NEK10: variants seen among roughly 807,000 people sequenced by gnomAD.
NEK10 encodes NIMA related kinase 10.
A neutral mutation model predicts 159.8 loss-of-function variants in NEK10; 122 were observed. The observed-to-expected ratio is 0.76, with a 90% CI of 0.66 to 0.89. NEK10 has a LOEUF of 0.89. Among genes scored for constraint, NEK10 ranks in the 40% least tolerant of loss-of-function variants. The pLI, the probability that NEK10 is intolerant of heterozygous loss-of-function variation, is 0.00. For synonymous variants in NEK10, 466 were observed against 457.1 expected, an observed-to-expected ratio of 1.02 and a Z score of -0.25; for missense variants, 1,342 against 1,323.1, an observed-to-expected ratio of 1.01 and a Z score of -0.22.
At chr3:27,161,916 A>T (rs546204175) in intron 30 of NEK10, among the ~76,000 whole-genome samples, 1 of 152,212 alleles carries the variant, frequency 6.6e-6, no homozygotes, top group East Asian at 1.9e-4. Context: ...GAGGCAGGAG[A>T]ATCACTTGAA....
intron 23 of NEK10, among the ~76,000 whole-genome samples, chr3:27,232,395 T>G (rs1156960511): frequency 6.6e-6 from 1 of 151,908 alleles, no homozygotes; most frequent in East Asian, 1.9e-4. Flanking sequence ...TACCAAACAC[T>G]GCTGAAAGAA....
chr3:27,274,133 C>T (rs1465445602), intron 22 of NEK10, among the ~76,000 whole-genome samples: 1 of 152,122 alleles, frequency 6.6e-6, no homozygotes, highest in Non-Finnish European at 1.5e-5. Context: ...GTGCCAGGGA[C>T]CCCTGTACCA....
chr3:27,360,486 G>A (rs752747820), intron 1 of NEK10, among the ~76,000 whole-genome samples: 2 of 152,214 alleles, frequency 1.3e-5, no homozygotes, highest in Non-Finnish European at 1.5e-5. Context: ...TTAAGACCCA[G>A]AGAGGAAAAA....
chr3:27,151,641 G>A (rs1243918386), intron 30 of NEK10, among the ~76,000 whole-genome samples: 1 of 152,140 alleles, frequency 6.6e-6, no homozygotes, highest in African/African-American at 2.4e-5. Flanking sequence ...CAGCAATGGA[G>A]CCAAACCAAG....
At chr3:27,311,057 T>TCCAGGAGC (rs1458685969) in intron 8 of NEK10, 41 bp from the exon 9 acceptor site, 7 of 1,280,364 alleles carry the variant, frequency 5.5e-6, no homozygotes, top group Non-Finnish European at 5.7e-6. Flanking sequence ...ATCCAGAGAT[T>TCCAGGAGC]AAAGGGGGAG....
intron 23 of NEK10, among the ~76,000 whole-genome samples, chr3:27,246,805 C>A (rs77281151): frequency 6.6e-6 from 1 of 152,142 alleles, no homozygotes; most frequent in African/African-American, 2.4e-5. Flanking sequence ...AATTTTTAGT[C>A]CCATATTTCA....
In NEK10 at chr3:27,202,144, C is replaced by G. The variant is rs1178371889; in HGVS notation, c.2220+284G>C. 6.7e-5 allele frequency among the ~76,000 whole-genome samples: 10 copies of G among 150,050 alleles called. No individual in the cohort carries two copies. In the Admixed American group the frequency reaches 6.8e-4, roughly 10 times the overall value. Reference sequence around the variant, plus strand: ...CCAGCCTGGCTGACAGAGTGAGACTCTGTCTCAAAAATAAATAAATTAAAT... The same window carrying G: ...CCAGCCTGGCTGACAGAGTGAGACTGTGTCTCAAAAATAAATAAATTAAAT... On this transcript the variant is annotated intron_variant, in intron 24 of 35. Coordinates refer to ENST00000691995, the MANE Select transcript of NEK10 (RefSeq NM_001394966.1).
intron 26 of NEK10, among the ~76,000 whole-genome samples, chr3:27,186,951 C>G (rs1948678553): frequency 6.6e-6 from 1 of 152,026 alleles, no homozygotes; most frequent in Non-Finnish European, 1.5e-5. Flanking sequence ...GTTCACTTGG[C>G]CATCACTGCA....
At chr3:27,218,497 C>T (rs899343497) in intron 23 of NEK10, among the ~76,000 whole-genome samples, 7 of 150,750 alleles carry the variant, frequency 4.6e-5, no homozygotes, top group Non-Finnish European at 5.9e-5. Context: ...CCCAGCTGCT[C>T]AGGAGGCTGA....
Position 27,284,647 on chromosome 3 carries a change from T to A in NEK10, c.1969A>T (p.Thr657Ser), listed in dbSNP as rs1344668180. The A allele has an allele frequency of 6.2e-7, 1 of 1,608,884 alleles. No homozygotes were observed. Among genetic ancestry groups the A allele is most frequent in the East Asian group, 2.2e-5 (1 of 44,844 alleles). The stretch of plus-strand genomic sequence containing the variant: ...TCCCCCAACATAATGTTGTTTGGTG[T>A]CAGATCTCTATGGACAATCCTCTTC... ...KEKRIVHRDL[T>S]PNNIMLGDKD... The change falls in exon 22 of 36, where the codon ACA (threonine) becomes TCA (serine). Residue 657 changes from threonine (T) to serine (S), a missense_variant. Transcript: ENST00000691995.
intron 22 of NEK10, among the ~76,000 whole-genome samples, chr3:27,261,252 T>G (rs2040388078): frequency 6.6e-6 from 1 of 152,242 alleles, no homozygotes; most frequent in African/African-American, 2.4e-5. Context: ...AGTTATTTCT[T>G]GCCTTCTGCT....
At chr3:27,358,743 G>T (rs1024151874) in intron 1 of NEK10, among the ~76,000 whole-genome samples, 4 of 152,130 alleles carry the variant, frequency 2.6e-5, no homozygotes, top group African/African-American at 9.7e-5. Flanking sequence ...AAGATCCTCA[G>T]GTGGCCTCAT....
intron 29 of NEK10, among the ~76,000 whole-genome samples, chr3:27,162,976 T>A (rs1237641178): frequency 6.6e-6 from 1 of 152,148 alleles, no homozygotes; most frequent in Non-Finnish European, 1.5e-5. Context: ...TAAGTATGAC[T>A]AAGAGCCTAA....
intron 22 of NEK10, among the ~76,000 whole-genome samples, chr3:27,282,594 T>TTATATATATATACATAACTGTGTTA (rs2042271321): frequency 2.0e-5 from 2 of 98,810 alleles, no homozygotes; most frequent in African/African-American, 3.6e-5. Flanking sequence ...CATAACTGTG[T>TTATATATATATACATAACTGTGTTA]TATATATATA....
In NEK10 at chr3:27,111,212, G is replaced by T; in HGVS notation, c.*60C>A. The T allele has an allele frequency of 6.7e-7, 1 of 1,497,626 alleles. No homozygotes were observed. Among genetic ancestry groups the T allele is most frequent in the Non-Finnish European group, 9.3e-7 (1 of 1,079,054 alleles). The allele number at this position is 1,497,626 out of a possible 1,614,324, so 92.8% of individuals were successfully genotyped here. A position where few individuals can be genotyped will look rare whatever the true frequency, so the allele number is the denominator to read the frequency against. ...AATCCTTGGGCATCTTGCAATAGCG[G>T]CTGAAGTCCAGAACTTGAACTTCAC... On this transcript the variant is annotated 3_prime_UTR_variant, in exon 36 of 36. Transcript: ENST00000691995.
intron 1 of NEK10, among the ~76,000 whole-genome samples, chr3:27,364,350 G>T (rs1312914533): frequency 4.9e-3 from 2 of 406 alleles, no homozygotes; most frequent in African/African-American, 0.027. Context: ...CTGGCTAATT[G>T]TGTGTGTGTG....
intron 1 of NEK10, among the ~76,000 whole-genome samples, chr3:27,367,284 T>C (rs945611932): frequency 1.3e-5 from 2 of 152,230 alleles, no homozygotes; most frequent in Non-Finnish European, 2.9e-5. Context: ...TGTTACACAA[T>C]TAAAATGCTA....
chr3:27,193,474 C>A (rs1420065991), intron 25 of NEK10, among the ~76,000 whole-genome samples: 1 of 151,958 alleles, frequency 6.6e-6, no homozygotes, highest in Non-Finnish European at 1.5e-5. Context: ...CTTGAACTGG[C>A]CCTTAACTTC....
chr3:27,185,448 T>C (rs1305458133), intron 26 of NEK10, among the ~76,000 whole-genome samples: 1 of 152,154 alleles, frequency 6.6e-6, no homozygotes, highest in Non-Finnish European at 1.5e-5. Context: ...TGGATGGAAC[T>C]GATTTAATCA....
Sources: gnomAD v4.1 joint callset for allele counts (sites outside exome capture counted in the v4.1 genomes callset) on GRCh38, gnomAD v4.1.1 for gene constraint, MANE v1.5 for transcripts, NCBI Gene and HGNC (gene_info 2026-07-23, HGNC 2026-07-21) for gene names.